The following HBEGF variants were observed in gnomAD, a reference collection of about 807,000 sequenced individuals.
The protein encoded by HBEGF is proheparin-binding EGF-like growth factor.
In HBEGF, 8 loss-of-function variants were observed where a neutral mutation model predicts 19.5. The ratio of observed to expected loss-of-function variants is 0.41; its 90% CI spans 0.24 to 0.74. HBEGF has a LOEUF of 0.74. HBEGF is among the 30% of genes least tolerant of loss of function. HBEGF has a pLI of 0.32. For missense variants in HBEGF, 207 were observed against 256.9 expected (o/e 0.81, Z 1.33); for synonymous variants, 97 against 108.9 (o/e 0.89, Z 0.68).
chr5:140,341,614 G>A (rs1418682075), intron 3 of HBEGF, among the ~76,000 whole-genome samples: 1 of 152,208 alleles, frequency 6.6e-6, no homozygotes, highest in Non-Finnish European at 1.5e-5. Context: ...GCTTTAAAAA[G>A]CTAAGGGATC....
intron 3 of HBEGF, 110 bp downstream of exon 3, chr5:140,342,525 G>A (rs1766329262): frequency 2.7e-6 from 3 of 1,092,888 alleles, no homozygotes; most frequent in East Asian, 2.4e-5. Flanking sequence ...CCCAGAGGTT[G>A]AGAAGAAACT....
chr5:140,345,780 C>G, intron 2 of HBEGF, 131 bp downstream of exon 2: 1 of 1,076,094 alleles, frequency 9.3e-7, no homozygotes, highest in Non-Finnish European at 1.4e-6. Flanking sequence ...CCCATCAGGC[C>G]GATCAGCTTT....
intron 3 of HBEGF, among the ~76,000 whole-genome samples, chr5:140,340,005 C>T (rs1229827968): frequency 2.6e-5 from 4 of 152,162 alleles, no homozygotes; most frequent in Admixed American, 1.3e-4. Context: ...TGAAAATCTG[C>T]CCAGGAAGTG....
chr5:140,346,514 C>T lies in HBEGF; in HGVS notation c.-186G>A, dbSNP rs1766403666. The T allele has an allele frequency of 1.1e-5, 7 of 665,724 alleles. No individual in the cohort carries two copies. The highest frequency in any genetic ancestry group is 8.8e-5 in the Admixed American group (3 of 34,280). 41.2% of individuals were successfully genotyped at this position (665,724 alleles called of 1,614,324 possible). A position where few individuals can be genotyped will look rare whatever the true frequency, so the allele number is the denominator to read the frequency against. On this transcript the variant is annotated 5_prime_UTR_variant, in exon 1 of 6. Coordinates refer to ENST00000230990, the MANE Select transcript of HBEGF (RefSeq NM_001945.3). The surrounding 1 kb of genome is among the most constrained non-coding windows in gnomAD (Gnocchi z 6.1). The stretch of plus-strand genomic sequence containing the variant: ...CGCTCTTCTTGAGTGTCTTGTCTTG[C>T]TCACTCAGCCCGCCCGCGCGGCCGC...
At position 140,345,891 on chromosome 5, in the gene HBEGF, T is replaced by C. The variant is rs764099555; in HGVS notation, c.220+20A>G. On this transcript the variant is annotated intron_variant, in intron 2 of 5. Transcript: ENST00000230990. ...TCAACAGCCCACCAAGGTCCAAGGATGGGGGGCCTCCACACCCACCTCTCA... is the reference window on the plus strand; with the variant it reads ...TCAACAGCCCACCAAGGTCCAAGGACGGGGGGCCTCCACACCCACCTCTCA... 5.0e-6 allele frequency: 8 copies of C among 1,613,692 alleles called. No individual in the cohort carries two copies. Among genetic ancestry groups the C allele is most frequent in the Admixed American group, 1.7e-5 (1 of 59,938 alleles).
chr5:140,344,218 C>T (rs1359288312), intron 2 of HBEGF, among the ~76,000 whole-genome samples: 1 of 152,060 alleles, frequency 6.6e-6, no homozygotes, highest in Non-Finnish European at 1.5e-5. Flanking sequence ...GGGATTAGAA[C>T]TGTGTTCTCT....
chr5:140,336,101 G>A (rs1041396095), intron 3 of HBEGF, 74 bp from the exon 4 acceptor site: 3 of 1,474,342 alleles, frequency 2.0e-6, no homozygotes, highest in Admixed American at 1.8e-5. Flanking sequence ...ACCTGCATAA[G>A]CCAAACCCCA....
intron 3 of HBEGF, among the ~76,000 whole-genome samples, chr5:140,339,102 C>G (rs374781404): frequency 6.6e-6 from 1 of 152,148 alleles, no homozygotes; most frequent in African/African-American, 2.4e-5. Flanking sequence ...TTATAAAGGC[C>G]AAGTCCCACA....
intron 2 of HBEGF, among the ~76,000 whole-genome samples, chr5:140,344,978 T>C (rs974690401): frequency 6.6e-6 from 1 of 152,106 alleles, no homozygotes; most frequent in Non-Finnish European, 1.5e-5. Context: ...GGATGAAGTA[T>C]GGGAGCCCAG....
intron 3 of HBEGF, among the ~76,000 whole-genome samples, chr5:140,341,850 T>C (rs548500840): frequency 6.6e-6 from 1 of 152,316 alleles, no homozygotes; most frequent in South Asian, 2.1e-4. Flanking sequence ...AGTGCTGTCA[T>C]CCCTGAGGGG....
intron 2 of HBEGF, 21 bp downstream of exon 2, chr5:140,345,890 A>G (rs760749438): frequency 6.2e-7 from 1 of 1,613,698 alleles, no homozygotes; most frequent in Non-Finnish European, 8.5e-7. Flanking sequence ...AGGTCCAAGG[A>G]TGGGGGGCCT....
intron 4 of HBEGF, chr5:140,335,021 C>T: frequency 2.0e-6 from 1 of 507,258 alleles, no homozygotes. Flanking sequence ...ACAATCACTA[C>T]AAGGTTACAA....
At chr5:140,337,187 C>T (rs752623270) in intron 3 of HBEGF, among the ~76,000 whole-genome samples, 1 of 152,204 alleles carries the variant, frequency 6.6e-6, no homozygotes, top group Non-Finnish European at 1.5e-5. Flanking sequence ...AAGACTCAGA[C>T]GTGCTTACAG....
chr5:140,340,582 C>CAAAA (rs61489261), intron 3 of HBEGF, among the ~76,000 whole-genome samples: 718 of 58,550 alleles, frequency 0.012, no homozygotes, highest in Non-Finnish European at 0.016. Context: ...GACTCTGTCT[C>CAAAA]AAAAAAAAAA....
chr5:140,341,862 TGC>T (rs1344259028), intron 3 of HBEGF, among the ~76,000 whole-genome samples: 1 of 152,190 alleles, frequency 6.6e-6, no homozygotes, highest in African/African-American at 2.4e-5. Context: ...CCTGAGGGGT[TGC>T]CAAGGCAGCC....
intron 3 of HBEGF, among the ~76,000 whole-genome samples, chr5:140,336,738 C>G (rs1213674104): frequency 6.6e-6 from 1 of 152,230 alleles, no homozygotes; most frequent in East Asian, 1.9e-4. Flanking sequence ...AGCTGCCCTG[C>G]CAGAGCATGG....
chr5:140,342,183 C>T (rs1373636688), intron 3 of HBEGF, among the ~76,000 whole-genome samples: 1 of 152,188 alleles, frequency 6.6e-6, no homozygotes, highest in Non-Finnish European at 1.5e-5. Flanking sequence ...CATTTGCACA[C>T]TTACATGCAC....
chr5:140,334,598 G>A (rs1235933942), intron 5 of HBEGF, 60 bp downstream of exon 5: 1 of 1,163,502 alleles, frequency 8.6e-7, no homozygotes, highest in South Asian at 1.2e-5. Flanking sequence ...ACCCACTGAA[G>A]CACAGCCAGG....
chr5:140,346,176 G>C lies in HBEGF; in HGVS notation c.47-92C>G, dbSNP rs1264818272. On this transcript the variant is annotated intron_variant, in intron 1 of 5. Coordinates refer to ENST00000230990, the MANE Select transcript of HBEGF (RefSeq NM_001945.3). The surrounding 1 kb of genome is among the most constrained non-coding windows in gnomAD (Gnocchi z 6.1). ...GACGCCCGTCCGCCAGAGCGCAAGG[G>C]CCCCACCAAGTGGCCCGTGCCGGGT... The C allele has an allele frequency of 6.4e-7, 1 of 1,558,410 alleles. No homozygotes were observed. Among genetic ancestry groups the C allele is most frequent in the East Asian group, 2.4e-5 (1 of 41,816 alleles).
Sources: allele counts gnomAD v4.1 joint callset (sites outside exome capture counted in the v4.1 genomes callset), GRCh38; gene constraint gnomAD v4.1.1; non-coding constraint Gnocchi (gnomAD v3.1); transcripts MANE v1.5; gene names NCBI Gene and HGNC (gene_info 2026-07-23, HGNC 2026-07-21).